The following LRRC37A variants were observed in gnomAD, a reference collection of about 807,000 sequenced individuals.
The protein encoded by LRRC37A is leucine rich repeat containing 37A.
A neutral mutation model predicts 35.4 loss-of-function variants in LRRC37A; 3 were observed. The observed-to-expected ratio is 0.08, with a 90% confidence interval of 0.04 to 0.22. LRRC37A has a LOEUF of 0.22. Ranked by LOEUF, LRRC37A falls within the 10% of genes least tolerant of loss-of-function variation. LRRC37A has a pLI of 1.00. For missense variants in LRRC37A, 67 were observed against 565.3 expected (o/e 0.12, Z 8.94); for synonymous variants, 23 against 215.0 (o/e 0.11, Z 7.81).
the LRRC37A span, among the ~76,000 whole-genome samples, chr17:46,282,048 G>T: frequency 6.6e-6 from 1 of 152,060 alleles, no homozygotes; most frequent in South Asian, 2.1e-4. Flanking sequence ...TAATTCCTTT[G>T]CTGAGAATAA....
At chr17:46,284,283 C>T in the LRRC37A span, among the ~76,000 whole-genome samples, 11 of 152,276 alleles carry the variant, frequency 7.2e-5, no homozygotes, top group African/African-American at 1.9e-4. Context: ...TCCCTGCGGC[C>T]TTCCGCAGTG....
the LRRC37A span, chr17:46,259,866 G>A: frequency 1.3e-6 from 2 of 1,563,114 alleles, no homozygotes; most frequent in Admixed American, 3.9e-5. Context: ...ACCCTAACTT[G>A]TCCCTTGCCA....
At chr17:46,283,180 C>A in the LRRC37A span, among the ~76,000 whole-genome samples, 5 of 152,186 alleles carry the variant, frequency 3.3e-5, no homozygotes, top group South Asian at 1.0e-3. Flanking sequence ...TATCAATTTA[C>A]CCTCCAAAGT....
chr17:46,268,062 A>T, the LRRC37A span, among the ~76,000 whole-genome samples: 1 of 151,622 alleles, frequency 6.6e-6, no homozygotes, highest in Non-Finnish European at 1.5e-5. Context: ...CACTGCGCCC[A>T]GCCCCACTCC....
the LRRC37A span, among the ~76,000 whole-genome samples, chr17:46,258,692 T>C: frequency 1.3e-5 from 2 of 151,122 alleles, no homozygotes; most frequent in African/African-American, 2.4e-5. Flanking sequence ...CTGGACAGGA[T>C]TGGAGACTAT....
intron 7 of LRRC37A, among the ~76,000 whole-genome samples, chr17:46,324,919 C>A (rs1212353126): frequency 1.3e-5 from 1 of 77,128 alleles, no homozygotes; most frequent in East Asian, 2.4e-4. Flanking sequence ...GTTTGTTACA[C>A]AATTTACTGC....
the LRRC37A span, among the ~76,000 whole-genome samples, chr17:46,285,060 G>A: frequency 6.6e-6 from 1 of 151,884 alleles, no homozygotes; most frequent in Non-Finnish European, 1.5e-5. Flanking sequence ...GTAGAGATGG[G>A]GTCTCACTTT....
chr17:46,260,679 A>G, the LRRC37A span: 3 of 1,299,510 alleles, frequency 2.3e-6, no homozygotes, highest in South Asian at 4.0e-5. Flanking sequence ...GCTGGAGTGC[A>G]ATGGCGGGAT....
the LRRC37A span, among the ~76,000 whole-genome samples, chr17:46,257,923 G>A: frequency 6.6e-6 from 1 of 152,208 alleles, no homozygotes; most frequent in African/African-American, 2.4e-5. Context: ...ACTTAGCTGG[G>A]TGGTTCTGCT....
the LRRC37A span, among the ~76,000 whole-genome samples, chr17:46,265,275 TC>T: frequency 5.5e-5 from 5 of 91,396 alleles, no homozygotes; most frequent in Admixed American, 2.5e-4. Flanking sequence ...TTCTTCTTCT[TC>T]TTCTTCTTCT....
the LRRC37A span, among the ~76,000 whole-genome samples, chr17:46,275,711 T>G: frequency 6.6e-6 from 1 of 152,220 alleles, no homozygotes; most frequent in Admixed American, 6.5e-5. Flanking sequence ...AATAGAGACA[T>G]TTACAGAAGC....
chr17:46,248,143 G>A, the LRRC37A span, among the ~76,000 whole-genome samples: 2 of 151,894 alleles, frequency 1.3e-5, no homozygotes, highest in South Asian at 2.1e-4. Context: ...CATGATGACC[G>A]TTGAACTGGA....
At chr17:46,263,960 G>T in the LRRC37A span, among the ~76,000 whole-genome samples, 3 of 152,044 alleles carry the variant, frequency 2.0e-5, no homozygotes, top group African/African-American at 7.2e-5. Flanking sequence ...GCCTCCCAAA[G>T]TGCTGGGATT....
chr17:46,252,264 G>A, the LRRC37A span, among the ~76,000 whole-genome samples: 5 of 151,862 alleles, frequency 3.3e-5, no homozygotes, highest in Non-Finnish European at 7.4e-5. Context: ...GAGTGCAGTG[G>A]CATAATCTCA....
At chr17:46,268,385 T>G in the LRRC37A span, 1 of 840,082 alleles carries the variant, frequency 1.2e-6, no homozygotes, top group Non-Finnish European at 1.6e-6. Context: ...TAAATATCAG[T>G]TTCAACTTGT....
the LRRC37A span, among the ~76,000 whole-genome samples, chr17:46,255,517 C>G: frequency 4.0e-5 from 6 of 150,174 alleles, no homozygotes; most frequent in Middle Eastern, 3.5e-3. Context: ...CAGGCATACG[C>G]CACCACACCC....
chr17:46,258,707 C>CTTGTTTTTTTTT, the LRRC37A span, among the ~76,000 whole-genome samples: 51 of 81,064 alleles, frequency 6.3e-4, no homozygotes, highest in Non-Finnish European at 1.0e-3. Flanking sequence ...GACTATTATT[C>CTTGTTTTTTTTT]TTTTTTTTTT....
chr17:46,281,244 G>A, the LRRC37A span, among the ~76,000 whole-genome samples: 1 of 152,060 alleles, frequency 6.6e-6, no homozygotes, highest in Non-Finnish European at 1.5e-5. Context: ...CCCTCATAGA[G>A]TGCAGGGGCT....
the LRRC37A span, among the ~76,000 whole-genome samples, chr17:46,270,735 T>A: frequency 6.6e-6 from 1 of 152,156 alleles, no homozygotes; most frequent in Non-Finnish European, 1.5e-5. Context: ...AGCGAAACTC[T>A]GTCTCTACTA....
Sources: gnomAD v4.1 joint callset for allele counts (sites outside exome capture counted in the v4.1 genomes callset) on GRCh38, gnomAD v4.1.1 for gene constraint, MANE v1.5 for transcripts, NCBI Gene and HGNC (gene_info 2026-07-23, HGNC 2026-07-21) for gene names.